Variants in RIMS2 observed in about 807,000 individuals in gnomAD.
RIMS2 encodes regulating synaptic membrane exocytosis protein 2.
Under a neutral mutation model 174.4 loss-of-function variants are expected in RIMS2, and 59 were observed. That is an observed-to-expected ratio of 0.34 (90% CI 0.27 to 0.42). The LOEUF is 0.42. Among genes scored for constraint, RIMS2 ranks in the 10% least tolerant of loss-of-function variants. RIMS2 has a pLI of 1.00. For synonymous variants in RIMS2, 606 were observed against 572.5 expected (o/e 1.06, Z -0.84); for missense variants, 1,620 against 1,666.3 (o/e 0.97, Z 0.48).
At chr8:104,111,308 T>A (rs2098178338) in intron 19 of RIMS2, among the ~76,000 whole-genome samples, 1 of 152,218 alleles carries the variant, frequency 6.6e-6, no homozygotes, top group Admixed American at 6.5e-5. Context: ...AAATATATTT[T>A]AAAAATTCAG....
intron 19 of RIMS2, among the ~76,000 whole-genome samples, chr8:104,083,974 G>T (rs1420273842): frequency 1.3e-5 from 2 of 151,968 alleles, no homozygotes; most frequent in Non-Finnish European, 2.9e-5. Flanking sequence ...TCTGTAAAAG[G>T]TTAAAAAGCT....
chr8:104,241,192 C>A lies in RIMS2; in HGVS notation c.3335-3724C>A, dbSNP rs78885422. 6.9e-3 allele frequency among the ~76,000 whole-genome samples: 1,046 copies of A among 152,224 alleles called. 8 individuals carry two copies. Among genetic ancestry groups the A allele is most frequent in the Middle Eastern group, 0.014 (4 of 294 alleles). ...TCTCCATAGACAGCTGCACAAGCTC[C>A]CCATTTAGTTATATTCTGACAGTGA... On this transcript the variant is annotated intron_variant, in intron 19 of 23. Transcript: ENST00000504942.
At chr8:103,778,187 C>A (rs183415579) in intron 3 of RIMS2, among the ~76,000 whole-genome samples, 40 of 152,064 alleles carry the variant, frequency 2.6e-4, no homozygotes, top group Middle Eastern at 3.4e-3. Flanking sequence ...TATTTTGACA[C>A]ATTCATATAA....
At chr8:103,996,971 G>T (rs143288942) in intron 17 of RIMS2, among the ~76,000 whole-genome samples, 75 of 151,936 alleles carry the variant, frequency 4.9e-4, no homozygotes, top group Non-Finnish European at 8.1e-4. Context: ...ATAGAGGTTT[G>T]AAAATCAATG....
chr8:103,712,338 A>C (rs750313060), intron 2 of RIMS2, among the ~76,000 whole-genome samples: 12 of 152,122 alleles, frequency 7.9e-5, no homozygotes, highest in Non-Finnish European at 1.5e-4. Flanking sequence ...ATTTAAAAAT[A>C]TGTAGGAGTA....
chr8:103,505,956 T>G (rs1823356209), intron 1 of RIMS2, among the ~76,000 whole-genome samples: 1 of 152,176 alleles, frequency 6.6e-6, no homozygotes, highest in Admixed American at 6.5e-5. Context: ...TATGCCTTTT[T>G]TACTGGTCAC....
At chr8:104,251,528 T>C in intron 23 of RIMS2, 74 bp from the exon 30 acceptor site, 1 of 818,864 alleles carries the variant, frequency 1.2e-6, no homozygotes, top group Non-Finnish European at 2.1e-6. Context: ...TACTTTAGTA[T>C]TTTAATATAT....
intron 3 of RIMS2, among the ~76,000 whole-genome samples, chr8:103,839,510 G>T (rs2098927058): frequency 6.6e-6 from 1 of 152,008 alleles, no homozygotes; most frequent in South Asian, 2.1e-4. Context: ...TACTCTTAAT[G>T]CATGGCCTTT....
chr8:103,626,106 T>G (rs1433336317), intron 1 of RIMS2, among the ~76,000 whole-genome samples: 1 of 152,148 alleles, frequency 6.6e-6, no homozygotes, highest in Non-Finnish European at 1.5e-5. Context: ...ATTTTACCAC[T>G]TTAGATGGTA....
intron 1 of RIMS2, among the ~76,000 whole-genome samples, chr8:103,639,544 C>A (rs1331210175): frequency 6.6e-6 from 1 of 151,768 alleles, no homozygotes; most frequent in Non-Finnish European, 1.5e-5. Context: ...TGAATCAAAC[C>A]TTATGTAGCT....
intron 2 of RIMS2, among the ~76,000 whole-genome samples, chr8:103,732,067 C>T (rs1006236846): frequency 7.9e-5 from 12 of 152,108 alleles, no homozygotes; most frequent in African/African-American, 2.9e-4. Flanking sequence ...TTTGTACTTG[C>T]ACTTTCTTGG....
intron 19 of RIMS2, among the ~76,000 whole-genome samples, chr8:104,079,639 A>G (rs2097371874): frequency 7.5e-6 from 1 of 133,064 alleles, no homozygotes; most frequent in Non-Finnish European, 1.6e-5. Flanking sequence ...ATATATATAT[A>G]TATGAAGTAA....
chr8:103,984,066 C>T (rs569644386), intron 16 of RIMS2, among the ~76,000 whole-genome samples: 9 of 151,890 alleles, frequency 5.9e-5, no homozygotes, highest in Non-Finnish European at 1.3e-4. Flanking sequence ...CCCAGCTACT[C>T]GGAAGGCTGA....
chr8:104,247,261 A>G (rs907463795), intron 20 of RIMS2, among the ~76,000 whole-genome samples: 4 of 152,194 alleles, frequency 2.6e-5, no homozygotes, highest in Non-Finnish European at 4.4e-5. Flanking sequence ...GCAGGAATCT[A>G]TTTTCTCACA....
At chr8:103,572,130 G>A (rs114417948) in intron 1 of RIMS2, among the ~76,000 whole-genome samples, 1 of 152,098 alleles carries the variant, frequency 6.6e-6, no homozygotes, top group Admixed American at 6.6e-5. Flanking sequence ...CTTCCTTCCA[G>A]TGGGTTCATG....
intron 1 of RIMS2, among the ~76,000 whole-genome samples, chr8:103,570,368 A>G (rs2092717147): frequency 6.6e-6 from 1 of 152,188 alleles, no homozygotes; most frequent in African/African-American, 2.4e-5. Flanking sequence ...TTTATTACTT[A>G]TTTATTCATT....
intron 4 of RIMS2, among the ~76,000 whole-genome samples, chr8:103,898,561 C>T (rs934572093): frequency 6.6e-6 from 1 of 151,240 alleles, no homozygotes; most frequent in Non-Finnish European, 1.5e-5. Flanking sequence ...ATCAATGCAC[C>T]TGCTTTTTTA....
At chr8:103,772,542 T>C (rs932940147) in intron 3 of RIMS2, among the ~76,000 whole-genome samples, 4 of 152,120 alleles carry the variant, frequency 2.6e-5, no homozygotes, top group Non-Finnish European at 5.9e-5. Context: ...AAAGATAAAC[T>C]GTGTACAGGG....
At position 103,530,860 on chromosome 8, in the gene RIMS2, A is replaced by T. The variant is rs189316725; in HGVS notation, c.176+29798A>T. ...ATATTGACTGGGAGGCAGGGGCTAG[A>T]ACTGTTTTATTTCTTGCTTTGAAGT... On this transcript the variant is annotated intron_variant, in intron 1 of 23. Coordinates refer to ENST00000504942, the Ensembl canonical transcript of RIMS2. 7.9e-5 allele frequency among the ~76,000 whole-genome samples: 12 copies of T among 152,116 alleles called. No homozygotes were observed. In the East Asian group the frequency reaches 1.9e-3, roughly 24 times the overall value.
Sources: gnomAD v4.1 joint callset for allele counts (sites outside exome capture counted in the v4.1 genomes callset) on GRCh38, gnomAD v4.1.1 for gene constraint, MANE v1.5 for transcripts, NCBI Gene and HGNC (gene_info 2026-07-23, HGNC 2026-07-21) for gene names.